The following PTPRO variants were observed in gnomAD, a reference collection of about 807,000 sequenced individuals.
PTPRO encodes the protein receptor-type tyrosine-protein phosphatase O.
A neutral mutation model predicts 145.2 loss-of-function variants in PTPRO; 62 were observed. The observed-to-expected ratio is 0.43, with a 90% CI of 0.35 to 0.53. The LOEUF (loss-of-function observed/expected upper bound fraction) is 0.53. PTPRO is among the 20% of genes least tolerant of loss of function. PTPRO has a pLI of 0.01. For missense variants in PTPRO, 1,345 were observed against 1,482.7 expected, an observed-to-expected ratio of 0.91 and a Z score of 1.53; for synonymous variants, 565 against 514.7, an observed-to-expected ratio of 1.10 and a Z score of -1.32.
intron 1 of PTPRO, among the ~76,000 whole-genome samples, chr12:15,324,193 G>C (rs1211176593): frequency 6.6e-6 from 1 of 152,100 alleles, no homozygotes. Flanking sequence ...TTTTACCTAT[G>C]CAATAATTGT....
At chr12:15,374,114 T>C (rs1050970780) in intron 1 of PTPRO, among the ~76,000 whole-genome samples, 4 of 152,208 alleles carry the variant, frequency 2.6e-5, no homozygotes, top group African/African-American at 7.2e-5. Context: ...CATAACATAT[T>C]TATTACCTAG....
At chr12:15,484,374 T>G (rs1448008035) in intron 2 of PTPRO, 127 bp downstream of exon 2, 1 of 1,003,990 alleles carries the variant, frequency 1.0e-6, no homozygotes, top group Non-Finnish European at 1.5e-6. Context: ...GTGACGTAGA[T>G]TCAAAGTTAT....
intron 11 of PTPRO, 87 bp downstream of exon 11, chr12:15,525,052 C>A: frequency 6.7e-7 from 1 of 1,500,060 alleles, no homozygotes; most frequent in Non-Finnish European, 9.2e-7. Context: ...TTTATTGACA[C>A]GTCAAATGTT....
chr12:15,415,485 C>T (rs1022082246), intron 1 of PTPRO, among the ~76,000 whole-genome samples: 6 of 151,654 alleles, frequency 4.0e-5, no homozygotes, highest in Admixed American at 6.6e-5. Flanking sequence ...CCCAGGTTCA[C>T]GCCATTCTCC....
intron 4 of PTPRO, among the ~76,000 whole-genome samples, chr12:15,500,864 G>A (rs1942207214): frequency 6.6e-6 from 1 of 152,216 alleles, no homozygotes; most frequent in African/African-American, 2.4e-5. Flanking sequence ...GGAGGTTGCA[G>A]TGAGCCGAGA....
chr12:15,592,521 A>G (rs150416314), intron 25 of PTPRO, among the ~76,000 whole-genome samples: 195 of 152,252 alleles, frequency 1.3e-3, no homozygotes, highest in Non-Finnish European at 2.3e-3. Flanking sequence ...TCCAGGTGCA[A>G]CATGCTGCCT....
intron 1 of PTPRO, among the ~76,000 whole-genome samples, chr12:15,428,476 A>G (rs543813869): frequency 6.6e-6 from 1 of 152,208 alleles, no homozygotes; most frequent in African/African-American, 2.4e-5. Flanking sequence ...CTGTGACATA[A>G]TTCAGTTTCT....
At chr12:15,421,310 A>G (rs577344343) in intron 1 of PTPRO, among the ~76,000 whole-genome samples, 3 of 152,282 alleles carry the variant, frequency 2.0e-5, no homozygotes, top group Non-Finnish European at 4.4e-5. Context: ...TATTTAATTC[A>G]TTTAAGCTGT....
At chr12:15,561,903 T>C (rs1175132228) in intron 17 of PTPRO, among the ~76,000 whole-genome samples, 1 of 152,154 alleles carries the variant, frequency 6.6e-6, no homozygotes, top group Non-Finnish European at 1.5e-5. Context: ...AGTAAGCATG[T>C]ATTCCTTAAT....
At chr12:15,546,202 C>T in intron 12 of PTPRO, 1 of 447,726 alleles carries the variant, frequency 2.2e-6, no homozygotes, top group Non-Finnish European at 3.0e-6. Context: ...CATTTTTCTC[C>T]ACCTTTATTA....
chr12:15,426,429 T>A (rs997520582), intron 1 of PTPRO, among the ~76,000 whole-genome samples: 20 of 152,206 alleles, frequency 1.3e-4, no homozygotes, highest in African/African-American at 4.1e-4. Flanking sequence ...TATGTACTTA[T>A]AATGAAAACT....
At chr12:15,514,574 C>T (rs1375889657) in intron 7 of PTPRO, among the ~76,000 whole-genome samples, 1 of 151,576 alleles carries the variant, frequency 6.6e-6, no homozygotes, top group Non-Finnish European at 1.5e-5. Context: ...CAGGATATCT[C>T]GATGCTTAGC....
chr12:15,556,875 G>T (rs1440721287), intron 15 of PTPRO, among the ~76,000 whole-genome samples: 1 of 152,112 alleles, frequency 6.6e-6, no homozygotes, highest in African/African-American at 2.4e-5. Context: ...TTAGAATCAT[G>T]AATGCCCTTT....
chr12:15,414,679 T>C (rs1484425829), intron 1 of PTPRO, among the ~76,000 whole-genome samples: 1 of 152,208 alleles, frequency 6.6e-6, no homozygotes, highest in Non-Finnish European at 1.5e-5. Flanking sequence ...ATTCATAAGT[T>C]ATCTTTTAGA....
At chr12:15,520,415 G>A (rs1942691507) in intron 10 of PTPRO, 103 bp downstream of exon 10, 2 of 794,356 alleles carry the variant, frequency 2.5e-6, no homozygotes, top group African/African-American at 3.4e-5. Flanking sequence ...ACCCAGCACT[G>A]GGTGAGCATC....
At chr12:15,500,260 A>G (rs1942193572) in intron 4 of PTPRO, among the ~76,000 whole-genome samples, 1 of 152,220 alleles carries the variant, frequency 6.6e-6, no homozygotes, top group South Asian at 2.1e-4. Context: ...GGAAGGGATT[A>G]TGATAGATTA....
intron 14 of PTPRO, 51 bp downstream of exon 14, chr12:15,549,277 A>G: frequency 1.5e-6 from 2 of 1,324,986 alleles, no homozygotes; most frequent in Non-Finnish European, 2.0e-6. Context: ...GAATATATAT[A>G]TATATATGTA....
chr12:15,412,850 G>C (rs1376905189), intron 1 of PTPRO, among the ~76,000 whole-genome samples: 2 of 152,154 alleles, frequency 1.3e-5, no homozygotes, highest in East Asian at 1.9e-4. Flanking sequence ...CTGGAGTGCA[G>C]TGACGCAATC....
intron 1 of PTPRO, among the ~76,000 whole-genome samples, chr12:15,376,830 G>T (rs925677939): frequency 1.3e-5 from 2 of 151,996 alleles, no homozygotes; most frequent in African/African-American, 4.8e-5. Flanking sequence ...CCTCCCAAAA[G>T]CCCCACACCC....
Sources: allele counts gnomAD v4.1 joint callset (sites outside exome capture counted in the v4.1 genomes callset), GRCh38; gene constraint gnomAD v4.1.1; transcripts MANE v1.5; gene names NCBI Gene and HGNC (gene_info 2026-07-23, HGNC 2026-07-21).